The following PDE4D variants were observed in gnomAD, a reference collection of about 807,000 sequenced individuals.
PDE4D encodes the protein 3',5'-cyclic-AMP phosphodiesterase 4D.
PDE4D carries 24 observed loss-of-function variants against 87.4 expected under a neutral mutation model. That is an observed-to-expected ratio of 0.27 (90% confidence interval 0.20 to 0.39). The LOEUF is 0.39. PDE4D is among the 10% of genes least tolerant of loss of function. The pLI is 1.00. For missense variants in PDE4D, 714 were observed against 1,041.0 expected (o/e 0.69, Z 4.32); for synonymous variants, 384 against 383.2 (o/e 1.00, Z -0.02).
chr5:60,074,149 G>A (rs2152898408), intron 2 of PDE4D, among the ~76,000 whole-genome samples: 1 of 152,096 alleles, frequency 6.6e-6, no homozygotes, highest in South Asian at 2.1e-4. Flanking sequence ...CTAACTTTTT[G>A]ATGTGAGCAT....
At chr5:59,794,137 G>A (rs368450191) in intron 1 of PDE4D, among the ~76,000 whole-genome samples, 20 of 145,064 alleles carry the variant, frequency 1.4e-4, no homozygotes, top group East Asian at 4.2e-4. Flanking sequence ...ACACAGAGGC[G>A]CACACACACA....
intron 1 of PDE4D, among the ~76,000 whole-genome samples, chr5:59,652,867 GACAA>G (rs1279763456): frequency 6.6e-6 from 1 of 151,446 alleles, no homozygotes; most frequent in Middle Eastern, 3.2e-3. Context: ...ACATAGGATT[GACAA>G]ACAAAATGCT....
At chr5:59,176,410 C>T (rs1259607417) in intron 5 of PDE4D, among the ~76,000 whole-genome samples, 10 of 151,902 alleles carry the variant, frequency 6.6e-5, no homozygotes, top group Non-Finnish European at 1.0e-4. Flanking sequence ...AAAAGTTAGC[C>T]GGGCGTGGTG....
At chr5:60,313,330 G>A (rs1261839508) in intron 1 of PDE4D, among the ~76,000 whole-genome samples, 1 of 152,032 alleles carries the variant, frequency 6.6e-6, no homozygotes, top group Admixed American at 6.6e-5. Flanking sequence ...AGAAAACCTA[G>A]AATTTTTCAG....
At chr5:60,087,340 CA>C (rs1774644740) in intron 2 of PDE4D, among the ~76,000 whole-genome samples, 1 of 152,128 alleles carries the variant, frequency 6.6e-6, no homozygotes, top group African/African-American at 2.4e-5. Flanking sequence ...AACATAAAGA[CA>C]CAAGGATTGT....
intron 3 of PDE4D, among the ~76,000 whole-genome samples, chr5:59,927,139 C>T (rs761231461): frequency 6.6e-6 from 1 of 152,332 alleles, no homozygotes; most frequent in Middle Eastern, 3.4e-3. Context: ...AGTGTTTGAG[C>T]TGCAGTTTCT....
intron 1 of PDE4D, among the ~76,000 whole-genome samples, chr5:60,444,001 G>T (rs1745446348): frequency 8.3e-6 from 1 of 120,888 alleles, no homozygotes; most frequent in Non-Finnish European, 1.6e-5. Flanking sequence ...TGTGATTACT[G>T]ATAACTCTTG....
chr5:59,459,530 G>A (rs1800438165), intron 1 of PDE4D, among the ~76,000 whole-genome samples: 1 of 152,102 alleles, frequency 6.6e-6, no homozygotes, highest in Admixed American at 6.6e-5. Flanking sequence ...ATATTACCCA[G>A]GTGAAGCTAA....
intron 1 of PDE4D, among the ~76,000 whole-genome samples, chr5:59,718,509 GT>G (rs1232633184): frequency 6.6e-5 from 10 of 152,250 alleles, no homozygotes; most frequent in Admixed American, 6.5e-4. Flanking sequence ...AAATTCAGAA[GT>G]TTCTGAAGAA....
chr5:59,838,251 A>G lies in PDE4D; in HGVS notation c.455+54917T>C, dbSNP rs149211051. The stretch of plus-strand genomic sequence containing the variant: ...GGCATCCCCACCTCCACGTGGCACT[A>G]AGCAGAACCCTACAGTCATGCAGAA... On this transcript the variant is annotated intron_variant, in intron 1 of 14. Coordinates refer to ENST00000340635, the MANE Select transcript of PDE4D (RefSeq NM_001104631.2). Among the ~76,000 whole-genome samples the G allele has an allele frequency of 6.5e-3, 992 of 152,160 alleles. 8 individuals are homozygous for G. Among genetic ancestry groups the G allele is most frequent in the African/African-American group, 0.023 (955 of 41,550 alleles).
chr5:59,877,222 T>C (rs1287250977), intron 1 of PDE4D, among the ~76,000 whole-genome samples: 1 of 152,078 alleles, frequency 6.6e-6, no homozygotes, highest in African/African-American at 2.4e-5. Flanking sequence ...TGCCTGCATG[T>C]TCGTTTGGTT....
intron 1 of PDE4D, among the ~76,000 whole-genome samples, chr5:59,629,371 T>C (rs958864082): frequency 2.0e-5 from 3 of 152,146 alleles, no homozygotes; most frequent in African/African-American, 7.2e-5. Flanking sequence ...TCAATGTGAC[T>C]GGTGTCCTTG....
intron 1 of PDE4D, among the ~76,000 whole-genome samples, chr5:59,716,809 C>T (rs1250881482): frequency 6.6e-6 from 1 of 152,144 alleles, no homozygotes; most frequent in Non-Finnish European, 1.5e-5. Context: ...ATCACCTTAA[C>T]CACCAATGAG....
intron 3 of PDE4D, among the ~76,000 whole-genome samples, chr5:59,949,955 T>C (rs1490916580): frequency 6.6e-6 from 1 of 152,220 alleles, no homozygotes; most frequent in Non-Finnish European, 1.5e-5. Flanking sequence ...ATGTGTTTAA[T>C]TTACATGTGA....
chr5:59,333,718 A>C (rs1217280835), intron 1 of PDE4D, among the ~76,000 whole-genome samples: 1 of 152,182 alleles, frequency 6.6e-6, no homozygotes, highest in Non-Finnish European at 1.5e-5. Flanking sequence ...TCCATCCTAA[A>C]GAGTTCTAAT....
intron 2 of PDE4D, among the ~76,000 whole-genome samples, chr5:60,010,027 G>C (rs1764869733): frequency 6.6e-6 from 1 of 151,948 alleles, no homozygotes; most frequent in South Asian, 2.1e-4. Flanking sequence ...AGTAATTTTA[G>C]ATAGGGATCC....
At chr5:59,202,371 T>A (rs993841987) in intron 2 of PDE4D, among the ~76,000 whole-genome samples, 14 of 151,914 alleles carry the variant, frequency 9.2e-5, no homozygotes, top group Non-Finnish European at 1.6e-4. Context: ...TTTGAAAAAA[T>A]TTTAAAGAGA....
intron 2 of PDE4D, among the ~76,000 whole-genome samples, chr5:60,067,941 T>C (rs532062894): frequency 6.6e-6 from 1 of 152,328 alleles, no homozygotes; most frequent in Non-Finnish European, 1.5e-5. Context: ...CCACTATTTA[T>C]ATACCATATT....
intron 1 of PDE4D, among the ~76,000 whole-genome samples, chr5:60,305,038 T>TACACAC (rs35539982): frequency 0.028 from 3,819 of 135,872 alleles, 147 homozygotes; most frequent in African/African-American, 0.089. Flanking sequence ...TTTTGAGCTA[T>TACACAC]ACACACACAC....
Sources: allele counts gnomAD v4.1 joint callset (sites outside exome capture counted in the v4.1 genomes callset), GRCh38; gene constraint gnomAD v4.1.1; transcripts MANE v1.5; gene names NCBI Gene and HGNC (gene_info 2026-07-23, HGNC 2026-07-21).